METTL15: variants seen among roughly 807,000 people sequenced by gnomAD.
METTL15 encodes 12S rRNA N(4)-cytidine methyltransferase METTL15.
A neutral mutation model predicts 38.3 loss-of-function variants in METTL15; 34 were observed. That is an observed-to-expected ratio of 0.89 (90% CI 0.68 to 1.18). The LOEUF (loss-of-function observed/expected upper bound fraction) is 1.18, where lower values mean the gene tolerates loss of function less well. METTL15 is among the 50% of genes most tolerant of loss of function. The pLI is 0.00. For missense variants in METTL15, 438 were observed against 498.4 expected, an observed-to-expected ratio of 0.88 and a Z score of 1.15; for synonymous variants, 162 against 170.9, an observed-to-expected ratio of 0.95 and a Z score of 0.41.
intron 6 of METTL15, among the ~76,000 whole-genome samples, chr11:28,435,143 C>T (rs1031551824): frequency 3.9e-4 from 59 of 152,310 alleles, no homozygotes; most frequent in Middle Eastern, 3.4e-3. Flanking sequence ...ACGTGAAATA[C>T]ATTCCTCCTT....
intron 5 of METTL15, among the ~76,000 whole-genome samples, chr11:28,396,082 T>C (rs1002485593): frequency 7.2e-5 from 11 of 152,120 alleles, no homozygotes; most frequent in African/African-American, 2.7e-4. Context: ...AATTAGGTAT[T>C]GATGGGACGT....
rs373205862 is a variant in METTL15 at position 28,270,740 on chromosome 11, T to C, written c.408-19466T>C. Among the ~76,000 whole-genome samples, 32 of 152,294 alleles carry C rather than the reference T, an allele frequency of 2.1e-4. No homozygotes were observed. In the East Asian group the frequency reaches 2.5e-3, roughly 12 times the overall value. Reference sequence around the variant, plus strand: ...TGGCACATAGTAATAACTCAAATGGTAGCTATCAGTCATTTGTTATATTAG... The same window carrying C: ...TGGCACATAGTAATAACTCAAATGGCAGCTATCAGTCATTTGTTATATTAG... On this transcript the variant is annotated intron_variant, in intron 4 of 6. Coordinates refer to ENST00000407364, the MANE Select transcript of METTL15 (RefSeq NM_001113528.2).
intron 4 of METTL15, among the ~76,000 whole-genome samples, chr11:28,217,034 GTCTTTA>G (rs1852916447): frequency 6.6e-6 from 1 of 152,034 alleles, no homozygotes; most frequent in Non-Finnish European, 1.5e-5. Context: ...GTGTGCATGT[GTCTTTA>G]TAGCAGCATG....
At chr11:28,202,984 A>AG (rs1383889805) in intron 3 of METTL15, among the ~76,000 whole-genome samples, 1 of 151,952 alleles carries the variant, frequency 6.6e-6, no homozygotes, top group Non-Finnish European at 1.5e-5. Flanking sequence ...GGATTAAAAA[A>AG]AAATTATCTA....
chr11:28,257,506 C>CT (rs1855020267), intron 4 of METTL15, among the ~76,000 whole-genome samples: 1 of 152,186 alleles, frequency 6.6e-6, no homozygotes. Context: ...TAGACCTTCT[C>CT]TTTAAGGCCA....
intron 3 of METTL15, among the ~76,000 whole-genome samples, chr11:28,137,534 C>A (rs1849553919): frequency 6.6e-6 from 1 of 152,160 alleles, no homozygotes; most frequent in Non-Finnish European, 1.5e-5. Flanking sequence ...CTCTTTCCAA[C>A]ATAGTTAAGG....
intron 5 of METTL15, among the ~76,000 whole-genome samples, chr11:28,295,487 G>A (rs1044893348): frequency 2.0e-4 from 31 of 151,990 alleles, no homozygotes; most frequent in Non-Finnish European, 3.5e-4. Context: ...ATTATTGTAA[G>A]CTACTCGGGA....
chr11:28,374,876 G>A (rs965842697), intron 5 of METTL15, among the ~76,000 whole-genome samples: 2 of 151,038 alleles, frequency 1.3e-5, no homozygotes, highest in South Asian at 2.1e-4. Flanking sequence ...TTAGCATGAA[G>A]GGTTGTTGAA....
At chr11:28,326,110 A>G (rs1272320657) in intron 6 of METTL15, among the ~76,000 whole-genome samples, 2 of 152,214 alleles carry the variant, frequency 1.3e-5, no homozygotes, top group Non-Finnish European at 2.9e-5. Context: ...GAGATGAAAA[A>G]GCAGAACAAT....
At chr11:28,238,070 A>G (rs1258088290) in intron 4 of METTL15, among the ~76,000 whole-genome samples, 1 of 152,164 alleles carries the variant, frequency 6.6e-6, no homozygotes, top group East Asian at 1.9e-4. Context: ...GACCCACTTG[A>G]GGAGGCAGTC....
intron 3 of METTL15, among the ~76,000 whole-genome samples, chr11:28,168,372 T>C (rs1850729988): frequency 6.6e-6 from 1 of 151,748 alleles, no homozygotes; most frequent in Non-Finnish European, 1.5e-5. Context: ...CAGAAATCTT[T>C]CTTAAATAGA....
chr11:28,364,037 T>G (rs1439908076), intron 5 of METTL15, among the ~76,000 whole-genome samples: 1 of 152,216 alleles, frequency 6.6e-6, no homozygotes, highest in East Asian at 1.9e-4. Flanking sequence ...TTCGCTGGTC[T>G]GCGTGCCTGT....
chr11:28,216,326 CTAAA>C (rs1852868789), intron 4 of METTL15, among the ~76,000 whole-genome samples: 1 of 151,624 alleles, frequency 6.6e-6, no homozygotes, highest in Admixed American at 6.6e-5. Flanking sequence ...ATTGATTCTG[CTAAA>C]TAAAGGCATT....
chr11:28,458,627 A>G (rs1851189914), intron 6 of METTL15, among the ~76,000 whole-genome samples: 1 of 152,168 alleles, frequency 6.6e-6, no homozygotes, highest in Admixed American at 6.5e-5. Context: ...TACTGCAGAA[A>G]CATGTGTCAC....
chr11:28,456,425 T>TG (rs1564936417), intron 6 of METTL15, among the ~76,000 whole-genome samples: 2 of 145,562 alleles, frequency 1.4e-5, no homozygotes, highest in African/African-American at 5.3e-5. Flanking sequence ...AGGGTTGTTT[T>TG]TTTTTTTGTT....
chr11:28,290,860 T>C (rs1856484229), intron 5 of METTL15, among the ~76,000 whole-genome samples: 1 of 151,862 alleles, frequency 6.6e-6, no homozygotes, highest in South Asian at 2.1e-4. Flanking sequence ...TCCTGTCTTA[T>C]GCAGTCACTT....
intron 6 of METTL15, among the ~76,000 whole-genome samples, chr11:28,306,526 G>C (rs996940665): frequency 2.0e-5 from 3 of 151,858 alleles, no homozygotes; most frequent in Non-Finnish European, 4.4e-5. Flanking sequence ...CATGGATTCA[G>C]ATCTTGTCTA....
chr11:28,532,293 A>G, the METTL15 span, among the ~76,000 whole-genome samples: 1 of 152,236 alleles, frequency 6.6e-6, no homozygotes, highest in Admixed American at 6.5e-5. Flanking sequence ...ATATTTTAAG[A>G]AATGAATACC....
chr11:28,376,895 A>AT (rs1252321074), intron 5 of METTL15, among the ~76,000 whole-genome samples: 2 of 139,994 alleles, frequency 1.4e-5, no homozygotes, highest in African/African-American at 5.1e-5. Context: ...TCTGTAAAGT[A>AT]TTTTATTTCT....
Sources: allele counts gnomAD v4.1 joint callset (sites outside exome capture counted in the v4.1 genomes callset), GRCh38; gene constraint gnomAD v4.1.1; transcripts MANE v1.5; gene names NCBI Gene and HGNC (gene_info 2026-07-23, HGNC 2026-07-21).